The following FBN1 variants were observed in gnomAD, a reference collection of about 807,000 sequenced individuals.
FBN1 encodes fibrillin 1.
Under a neutral mutation model 365.1 loss-of-function variants are expected in FBN1, and 29 were observed. The observed-to-expected ratio is 0.08, with a 90% CI of 0.06 to 0.11. The LOEUF (loss-of-function observed/expected upper bound fraction) is 0.11, where lower values mean the gene tolerates loss of function less well. Ranked by LOEUF, FBN1 falls within the 10% of genes least tolerant of loss-of-function variation. The pLI is 1.00. For synonymous variants in FBN1, 1,210 were observed against 1,270.5 expected, an observed-to-expected ratio of 0.95 and a Z score of 1.01; for missense variants, 2,476 against 3,703.2, an observed-to-expected ratio of 0.67 and a Z score of 8.60.
At chr15:48,599,464 C>T (rs538518996) in intron 5 of FBN1, among the ~76,000 whole-genome samples, 30 of 151,586 alleles carry the variant, frequency 2.0e-4, no homozygotes, top group Non-Finnish European at 3.1e-4. Context: ...GATGAAATCA[C>T]GAATAATTTT....
rs146736249 is a variant in FBN1, at chr15:48,626,162, T to A, written c.165-13070A>T. 2.2e-3 allele frequency among the ~76,000 whole-genome samples: 333 copies of A among 150,442 alleles called. 1 individual carries two copies. The highest frequency in any genetic ancestry group is 7.9e-3 in the African/African-American group (324 of 40,780). ...CTTCCCAGCTACTTGGAAGGCTGAGTGGGAGGATCACTTGAGCCCAGGAGG... is the reference window on the plus strand; with the variant it reads ...CTTCCCAGCTACTTGGAAGGCTGAGAGGGAGGATCACTTGAGCCCAGGAGG... On this transcript the variant is annotated intron_variant, in intron 2 of 65. Coordinates refer to ENST00000316623, the MANE Select transcript of FBN1 (RefSeq NM_000138.5).
chr15:48,481,905 T>C (rs2043468203), intron 31 of FBN1, 125 bp from the exon 32 acceptor site: 1 of 1,010,710 alleles, frequency 9.9e-7, no homozygotes, highest in Non-Finnish European at 1.5e-6. Flanking sequence ...AGAAAAACAA[T>C]GTTAAATTTT....
chr15:48,480,450 T>G (rs776264504), intron 32 of FBN1, among the ~76,000 whole-genome samples: 18 of 152,122 alleles, frequency 1.2e-4, no homozygotes, highest in Non-Finnish European at 2.4e-4. Flanking sequence ...TTAAACACTG[T>G]GCCATTTATC....
At chr15:48,532,456 A>G (rs1418944957) in intron 8 of FBN1, among the ~76,000 whole-genome samples, 1 of 151,962 alleles carries the variant, frequency 6.6e-6, no homozygotes, top group East Asian at 1.9e-4. Context: ...GTGTCTATAT[A>G]AAGATATGTG....
At chr15:48,600,023 TTGTAAACATGC>T in intron 5 of FBN1, 105 bp downstream of exon 5, 1 of 800,822 alleles carries the variant, frequency 1.2e-6, no homozygotes, top group Non-Finnish European at 2.2e-6. Flanking sequence ...CACTGGACAC[TTGTAAACATGC>T]TGTGTCCCAG....
chr15:48,505,421 CAG>C lies in FBN1; in HGVS notation c.1838-276_1838-275del, dbSNP rs1473192640. Among the ~76,000 whole-genome samples the C allele has an allele frequency of 2.6e-5, 4 of 152,096 alleles. No homozygotes were observed. In the East Asian group the frequency reaches 7.7e-4, roughly 29 times the overall value. ...TCCAAAATAATCACAAAGGCAAAAA[CAG>C]AATCAGAGGAAGGAGAACAATGGCT... On this transcript the variant is annotated intron_variant, in intron 15 of 65. Coordinates refer to ENST00000316623, the MANE Select transcript of FBN1 (RefSeq NM_000138.5).
intron 8 of FBN1, chr15:48,529,190 T>G (rs2043945099): frequency 6.6e-6 from 1 of 152,258 alleles, no homozygotes; most frequent in Non-Finnish European, 1.5e-5. Context: ...GAAGAGCTAT[T>G]TCCGTGCTCT....
intron 3 of FBN1, among the ~76,000 whole-genome samples, chr15:48,612,476 A>G (rs1597632828): frequency 6.6e-6 from 1 of 152,358 alleles, no homozygotes; most frequent in Admixed American, 6.5e-5. Flanking sequence ...TTTGTGGGAT[A>G]TTGGGGAAAT....
chr15:48,455,372 T>C (rs1468992714), intron 44 of FBN1, among the ~76,000 whole-genome samples: 1 of 152,204 alleles, frequency 6.6e-6, no homozygotes, highest in East Asian at 1.9e-4. Context: ...GGCCTGCAGC[T>C]TCAGCAAATA....
At chr15:48,428,571 C>G in intron 56 of FBN1, 100 bp from the exon 57 acceptor site, 2 of 1,324,494 alleles carry the variant, frequency 1.5e-6, no homozygotes, top group South Asian at 2.4e-5. Flanking sequence ...TCCCTCCCTC[C>G]TTCCCTCCCT....
intron 56 of FBN1, among the ~76,000 whole-genome samples, chr15:48,429,586 A>G (rs968080376): frequency 8.5e-5 from 13 of 152,164 alleles, no homozygotes; most frequent in East Asian, 1.9e-4. Flanking sequence ...CAAAACCCCA[A>G]TGCAATGCCC....
chr15:48,448,858 T>C lies in FBN1; in HGVS notation c.5581A>G (p.Ser1861Gly). Residue 1861 changes from serine (S) to glycine (G), a missense_variant, in exon 46 of 66, where the codon AGT becomes GGT. By Grantham distance (56) the Ser-to-Gly change is moderately conservative. Around this residue, in one of 5 missense-constraint regions of FBN1, gnomAD observed 1,780 missense variants for 2,840.8 expected, o/e 0.63. Coordinates refer to ENST00000316623, the MANE Select transcript of FBN1 (RefSeq NM_000138.5). ...ACTGTGTCAATGCACTGCCCATGAC[T>C]GCATATATTGGGGATTTCTTGACAT... The part of the protein sequence containing the change: ...NECQEIPNIC[S>G]HGQCIDTVGS... 6.2e-7 allele frequency: 1 copy of C among 1,612,248 alleles called. No individual in the cohort carries two copies. Among genetic ancestry groups the C allele is most frequent in the Middle Eastern group, 1.7e-4 (1 of 6,056 alleles).
At position 48,410,157 on chromosome 15, in the gene FBN1, G is replaced by A. The variant is rs917731291; in HGVS notation, c.*833C>T. 2.6e-5 allele frequency: 4 copies of A among 152,570 alleles called. No homozygotes were observed. Among genetic ancestry groups the A allele is most frequent in the African/African-American group, 9.7e-5 (4 of 41,404 alleles). The allele number at this position is 152,570 out of a possible 1,614,324, so 9.5% of individuals were successfully genotyped here. On this transcript the variant is annotated 3_prime_UTR_variant, in exon 66 of 66. Coordinates refer to ENST00000316623, the MANE Select transcript of FBN1 (RefSeq NM_000138.5). ...GACAGGAATGACCGAGGGTAATCTT[G>A]GCATATTGCACATGCTGTGATGAAG... is the stretch of plus-strand genomic sequence containing the variant.
chr15:48,624,247 T>C (rs977423270), intron 2 of FBN1, among the ~76,000 whole-genome samples: 1 of 152,238 alleles, frequency 6.6e-6, no homozygotes, highest in Non-Finnish European at 1.5e-5. Flanking sequence ...AAGTCAGCAC[T>C]CTTCACTTCA....
At position 48,455,166 on chromosome 15, in the gene FBN1, T is replaced by C. The variant is rs201657150; in HGVS notation, c.5422+1471A>G. 2.4e-4 allele frequency among the ~76,000 whole-genome samples: 37 copies of C among 152,330 alleles called. No homozygotes were observed. The East Asian group carries it at 6.6e-3, about 27-fold the overall frequency. On this transcript the variant is annotated intron_variant, in intron 44 of 65. Transcript: ENST00000316623. The stretch of plus-strand genomic sequence containing the variant: ...GAAGCAGCTGACCCTGGATTAAACA[T>C]TCACCCTGAAGACGGATATTCTGTG...
intron 34 of FBN1, among the ~76,000 whole-genome samples, chr15:48,472,950 A>G (rs2043390230): frequency 6.6e-6 from 1 of 152,216 alleles, no homozygotes; most frequent in Non-Finnish European, 1.5e-5. Context: ...GGTCATCCGC[A>G]TGGAGGGCAC....
intron 8 of FBN1, among the ~76,000 whole-genome samples, chr15:48,530,804 C>T (rs1173036929): frequency 6.6e-6 from 1 of 152,062 alleles, no homozygotes; most frequent in African/African-American, 2.4e-5. Flanking sequence ...TTATGGAGTG[C>T]ATGGATTTAA....
In FBN1 at chr15:48,434,711, T is replaced by G. The variant is rs373510719; in HGVS notation, c.6499A>C (p.Thr2167Pro). ...GGATTGCCAACAGAACATTCATCAG[T>G]ATCTGCAAGAAACCAGGAATGTGTC... is the stretch of plus-strand genomic sequence containing the variant. Reference protein sequence around the residue: ...YILAGNECVDTDECSVGNPCG... With the variant: ...YILAGNECVDPDECSVGNPCG... Residue 2167 changes from threonine to proline, a missense_variant and splice_region_variant, in exon 54 of 66, where the codon ACT becomes CCT. Around this residue, in one of 5 missense-constraint regions of FBN1, gnomAD observed 1,780 missense variants for 2,840.8 expected, o/e 0.63. Coordinates refer to ENST00000316623, the MANE Select transcript of FBN1 (RefSeq NM_000138.5). The G allele has an allele frequency of 6.2e-7, 1 of 1,613,494 alleles. No individual in the cohort carries two copies. The highest frequency in any genetic ancestry group is 1.3e-5 in the African/African-American group (1 of 74,896).
chr15:48,445,197 C>CAT (rs988204828), intron 48 of FBN1, among the ~76,000 whole-genome samples, 179 bp downstream of exon 48: 12 of 133,806 alleles, frequency 9.0e-5, no homozygotes, highest in East Asian at 2.4e-4. Context: ...TATATATATA[C>CAT]ATATATATAT....
Sources: gnomAD v4.1 joint callset for allele counts (sites outside exome capture counted in the v4.1 genomes callset) on GRCh38, gnomAD v4.1.1 for gene constraint, gnomAD v4.1.1 regional missense constraint, MANE v1.5 for transcripts, NCBI Gene and HGNC (gene_info 2026-07-23, HGNC 2026-07-21) for gene names.